CLDN10: variants seen among roughly 807,000 people sequenced by gnomAD.
CLDN10 encodes the protein claudin-10.
In CLDN10, 15 loss-of-function variants were observed where a neutral mutation model predicts 22.9. The observed-to-expected ratio is 0.65, with a 90% CI of 0.44 to 1.01. The LOEUF is 1.01. Ranked by LOEUF, CLDN10 falls within the 50% of genes least tolerant of loss-of-function variation. The probability of loss-of-function intolerance (pLI) is 0.00; values close to 1 mark genes in which losing one functional copy is unlikely to be tolerated. For missense variants in CLDN10, 247 were observed against 287.8 expected (o/e 0.86, Z 1.03); for synonymous variants, 114 against 111.4 (o/e 1.02, Z -0.15).
At position 95,572,066 on chromosome 13, in the gene CLDN10, T is replaced by G. The variant is rs185151722; in HGVS notation, c.465-5165T>G. Among the ~76,000 whole-genome samples, 925 of 152,246 alleles carry G rather than the reference T, an allele frequency of 6.1e-3. 3 individuals carry two copies. Among genetic ancestry groups the G allele is most frequent in the Admixed American group, 8.6e-3 (132 of 15,296 alleles). ...TGTTAAAACCGATCTTGCTTTGTTT[T>G]GGGAGTGGCTGCTCTTTCCTTTTTC... On this transcript the variant is annotated intron_variant, in intron 3 of 4. Transcript: ENST00000299339.
At chr13:95,564,128 G>A (rs1252673610) in intron 3 of CLDN10, among the ~76,000 whole-genome samples, 1 of 152,202 alleles carries the variant, frequency 6.6e-6, no homozygotes, top group Non-Finnish European at 1.5e-5. Context: ...GCCACTATAG[G>A]AATGTTCTAT....
intron 1 of CLDN10, among the ~76,000 whole-genome samples, chr13:95,456,233 G>A (rs1026332069): frequency 2.6e-5 from 4 of 152,082 alleles, no homozygotes; most frequent in African/African-American, 7.2e-5. Flanking sequence ...CAAGTAAATC[G>A]TCTCCCATCT....
rs371272010 is a variant in CLDN10 at position 95,446,036 on chromosome 13, A to G, written c.214+11989A>G. On this transcript the variant is annotated intron_variant, in intron 1 of 4. Transcript: ENST00000376873. Reference sequence around the variant, plus strand: ...TGGCCATTTGTTTCACCTGGAAGAAATGGAAAAAAAATATATAGGGCACAG... The same window carrying G: ...TGGCCATTTGTTTCACCTGGAAGAAGTGGAAAAAAAATATATAGGGCACAG... 9.7e-4 allele frequency among the ~76,000 whole-genome samples: 147 copies of G among 152,310 alleles called. 6 individuals carry two copies. In the South Asian group the frequency reaches 0.029, roughly 30 times the overall value.
chr13:95,511,470 G>A (rs1014511684), intron 1 of CLDN10, among the ~76,000 whole-genome samples: 1 of 152,010 alleles, frequency 6.6e-6, no homozygotes, highest in African/African-American at 2.4e-5. Flanking sequence ...TGATGTGAAG[G>A]AAACTGGTTT....
chr13:95,552,536 A>G (rs1014913504), upstream of CLDN10, among the ~76,000 whole-genome samples: 7 of 152,244 alleles, frequency 4.6e-5, no homozygotes, highest in East Asian at 1.4e-3. Flanking sequence ...GCAGATGGAG[A>G]ACCCGGGGGG....
At chr13:95,532,070 A>T (rs2043349065) in intron 1 of CLDN10, among the ~76,000 whole-genome samples, 1 of 152,252 alleles carries the variant, frequency 6.6e-6, no homozygotes, top group Non-Finnish European at 1.5e-5. Flanking sequence ...AAATGAAAAT[A>T]TAGGAGAATA....
chr13:95,452,156 A>G (rs2139079074), intron 1 of CLDN10, among the ~76,000 whole-genome samples: 1 of 152,256 alleles, frequency 6.6e-6, no homozygotes, highest in East Asian at 1.9e-4. Flanking sequence ...TTTCCGAAAC[A>G]TACCCTTTTG....
At position 95,510,147 on chromosome 13, in the gene CLDN10, G is replaced by A. The variant is rs9561883; in HGVS notation, c.215-49985G>A. 1.3e-3 allele frequency among the ~76,000 whole-genome samples: 196 copies of A among 152,308 alleles called. 3 individuals are homozygous for A. In the East Asian group the frequency reaches 0.035, roughly 27 times the overall value. ...GACTGAGATGAGTCACATTTAATGT[G>A]GTGGTGTTCCTTCCCTTTCCCCAGA... On this transcript the variant is annotated intron_variant, in intron 1 of 4. Transcript: ENST00000376873.
Position 95,486,028 on chromosome 13 carries a change from C to G in CLDN10, c.214+51981C>G, listed in dbSNP as rs183626387. 3.3e-5 allele frequency among the ~76,000 whole-genome samples: 5 copies of G among 152,292 alleles called. No individual in the cohort carries two copies. The East Asian group carries it at 9.6e-4, about 29-fold the overall frequency. ...CAGTTTCCCCCCAGGGTATAAAACCCAGAGTGGAGTGCTTTCAGAGTGCCT... is the reference window on the plus strand; with the variant it reads ...CAGTTTCCCCCCAGGGTATAAAACCGAGAGTGGAGTGCTTTCAGAGTGCCT... On this transcript the variant is annotated intron_variant, in intron 1 of 4. Coordinates refer to the CLDN10 transcript ENST00000376873.
intron 1 of CLDN10, among the ~76,000 whole-genome samples, chr13:95,519,700 A>G (rs946560890): frequency 6.6e-6 from 1 of 152,202 alleles, no homozygotes; most frequent in Non-Finnish European, 1.5e-5. Context: ...AAGCTGCCAC[A>G]GGGCAAGTCT....
chr13:95,560,360 CT>C (rs1192553327), intron 2 of CLDN10, 21 bp from the exon 3 acceptor site: 2 of 1,612,216 alleles, frequency 1.2e-6, no homozygotes, highest in East Asian at 4.5e-5. Context: ...AACCATAGTG[CT>C]TTCCCTCTAA....
chr13:95,501,913 C>T (rs1252409604), intron 1 of CLDN10, among the ~76,000 whole-genome samples: 1 of 152,084 alleles, frequency 6.6e-6, no homozygotes, highest in African/African-American at 2.4e-5. Flanking sequence ...ATATTTCATT[C>T]TATCTCCTTT....
Position 95,528,083 on chromosome 13 carries a change from G to C in CLDN10, c.215-32049G>C, listed in dbSNP as rs568808341. ...TTTTCCTTTCCCTGTGTGACTGGCT[G>C]TATCTGTCTCTATAATGCCACCATA... On this transcript the variant is annotated intron_variant, in intron 1 of 4. Transcript: ENST00000376873. Among the ~76,000 whole-genome samples, 5 of 152,280 alleles carry C rather than the reference G, an allele frequency of 3.3e-5. No homozygotes were observed. The Middle Eastern group carries it at 0.017, about 518-fold the overall frequency.
rs147966603 is a variant in CLDN10 at position 95,440,370 on chromosome 13, T to C, written c.214+6323T>C. Among the ~76,000 whole-genome samples, 385 of 152,342 alleles carry C rather than the reference T, an allele frequency of 2.5e-3. 2 individuals carry two copies. The highest frequency in any genetic ancestry group is 8.3e-3 in the African/African-American group (346 of 41,582). On this transcript the variant is annotated intron_variant, in intron 1 of 4. Coordinates refer to the CLDN10 transcript ENST00000376873. The stretch of plus-strand genomic sequence containing the variant: ...TTTTATGCTATGTCCCAAATGCATA[T>C]AAAATTATTTAAAAGTATACAGAGA...
At chr13:95,538,892 T>C (rs2043429669) in intron 1 of CLDN10, among the ~76,000 whole-genome samples, 1 of 152,118 alleles carries the variant, frequency 6.6e-6, no homozygotes, top group South Asian at 2.1e-4. Context: ...ATTTCTCTCT[T>C]TTTTTGAGAT....
chr13:95,529,542 G>A (rs1273736270), intron 1 of CLDN10, among the ~76,000 whole-genome samples: 7 of 152,240 alleles, frequency 4.6e-5, no homozygotes, highest in Middle Eastern at 3.4e-3. Flanking sequence ...CTAGGTGAGC[G>A]TGCCTCTAGG....
intron 1 of CLDN10, among the ~76,000 whole-genome samples, chr13:95,443,475 G>A (rs781621663): frequency 1.3e-5 from 2 of 152,144 alleles, no homozygotes; most frequent in South Asian, 2.1e-4. Flanking sequence ...TATACTCGTC[G>A]ATCCCGAGAA....
chr13:95,576,469 AC>A (rs1211164257), intron 3 of CLDN10, among the ~76,000 whole-genome samples: 1 of 152,192 alleles, frequency 6.6e-6, no homozygotes, highest in Non-Finnish European at 1.5e-5. Context: ...ATGAGAACAC[AC>A]ATAGTCCCTG....
intron 1 of CLDN10, among the ~76,000 whole-genome samples, chr13:95,507,770 T>A (rs962680522): frequency 1.3e-5 from 2 of 152,026 alleles, no homozygotes; most frequent in African/African-American, 4.8e-5. Flanking sequence ...ATTACAGGCA[T>A]GCACCACCAC....
Sources: allele counts gnomAD v4.1 joint callset (sites outside exome capture counted in the v4.1 genomes callset), GRCh38; gene constraint gnomAD v4.1.1; transcripts MANE v1.5; gene names NCBI Gene and HGNC (gene_info 2026-07-23, HGNC 2026-07-21).